Variants in EDIL3 observed in about 807,000 individuals in gnomAD.
EDIL3 encodes the protein EGF like and discoidin domains 3.
A neutral mutation model predicts 67.4 loss-of-function variants in EDIL3; 37 were observed. The observed-to-expected ratio is 0.55, with a 90% CI of 0.42 to 0.72. EDIL3 has a LOEUF of 0.72. Among genes scored for constraint, EDIL3 ranks in the 30% least tolerant of loss-of-function variants. The pLI is 0.00. For missense variants in EDIL3, 527 were observed against 586.3 expected (o/e 0.90, Z 1.04); for synonymous variants, 195 against 196.3 (o/e 0.99, Z 0.05).
intron 1 of EDIL3, among the ~76,000 whole-genome samples, chr5:84,293,666 G>A (rs1177311645): frequency 1.3e-5 from 2 of 151,910 alleles, no homozygotes; most frequent in Non-Finnish European, 2.9e-5. Context: ...AAGCAAGAAA[G>A]TGATTAATAT....
chr5:84,169,215 G>A (rs1402227431), intron 4 of EDIL3, among the ~76,000 whole-genome samples: 3 of 151,844 alleles, frequency 2.0e-5, no homozygotes, highest in Non-Finnish European at 4.4e-5. Flanking sequence ...TGTTATTTCT[G>A]ATTGAAATTT....
chr5:84,021,777 A>G (rs1442313328), intron 9 of EDIL3, among the ~76,000 whole-genome samples: 5 of 152,014 alleles, frequency 3.3e-5, no homozygotes, highest in Non-Finnish European at 7.4e-5. Flanking sequence ...TAACAACTAC[A>G]TGCTAACAAA....
At chr5:83,982,481 G>T (rs1303055430) in intron 9 of EDIL3, among the ~76,000 whole-genome samples, 1 of 151,854 alleles carries the variant, frequency 6.6e-6, no homozygotes, top group Non-Finnish European at 1.5e-5. Context: ...TCCTGTCTTT[G>T]TTGAGAATTT....
chr5:84,166,595 C>T lies in EDIL3; in HGVS notation c.355+13798G>A, dbSNP rs558736727. ...TCAAGTCCTTGCTCTAGAAAAGATG[C>T]TTACTCTCTAAAGAGAAGAAAAATA... On this transcript the variant is annotated intron_variant, in intron 4 of 10. Transcript: ENST00000296591. Among the ~76,000 whole-genome samples, 309 of 152,166 alleles carry T rather than the reference C, an allele frequency of 2.0e-3. 3 individuals are homozygous for T. The highest frequency in any genetic ancestry group is 3.7e-3 in the Non-Finnish European group (252 of 68,000).
At chr5:83,987,869 G>GTGTATATATATATATATATA (rs1418733698) in intron 9 of EDIL3, among the ~76,000 whole-genome samples, 1 of 138,426 alleles carries the variant, frequency 7.2e-6, no homozygotes, top group African/African-American at 2.9e-5. Context: ...GTGTGTGTAT[G>GTGTATATATATATATATATA]TATATATATA....
intron 9 of EDIL3, among the ~76,000 whole-genome samples, chr5:84,020,176 CATATCGAAAACATTTCTTAGATGCTTTAA>C (rs1199415186): frequency 1.3e-5 from 2 of 151,192 alleles, no homozygotes; most frequent in Non-Finnish European, 2.9e-5. Context: ...TACTGGGATA[CATATCGAAAACATTTCTTAGATGCTTTAA>C]ATAAATTCTC....
At chr5:84,038,293 G>A (rs1053783886) in intron 9 of EDIL3, among the ~76,000 whole-genome samples, 3 of 152,044 alleles carry the variant, frequency 2.0e-5, no homozygotes, top group African/African-American at 7.2e-5. Flanking sequence ...CCAAGTAATA[G>A]GGAGCTGGGA....
intron 6 of EDIL3, among the ~76,000 whole-genome samples, chr5:84,089,164 A>C (rs1747122096): frequency 6.6e-6 from 1 of 152,228 alleles, no homozygotes; most frequent in Non-Finnish European, 1.5e-5. Flanking sequence ...CCACTCCACT[A>C]GATGGGGCCA....
chr5:84,139,120 C>T (rs533752944), intron 4 of EDIL3, among the ~76,000 whole-genome samples: 3 of 152,056 alleles, frequency 2.0e-5, no homozygotes, highest in Non-Finnish European at 2.9e-5. Context: ...GCCTATAATC[C>T]CAGCTACTCA....
chr5:83,948,655 TTTAG>T (rs1244780388), intron 10 of EDIL3, among the ~76,000 whole-genome samples: 3 of 151,734 alleles, frequency 2.0e-5, no homozygotes, highest in Admixed American at 2.0e-4. Flanking sequence ...TTTTAAACAT[TTTAG>T]TTAGTGGTAT....
chr5:84,184,061 G>A (rs774581952), intron 3 of EDIL3, among the ~76,000 whole-genome samples: 11 of 152,146 alleles, frequency 7.2e-5, no homozygotes, highest in Non-Finnish European at 1.2e-4. Flanking sequence ...AGCCAAGATC[G>A]TGCCATTGCA....
intron 1 of EDIL3, among the ~76,000 whole-genome samples, chr5:84,279,855 T>C (rs2112105741): frequency 6.6e-6 from 1 of 152,302 alleles, no homozygotes; most frequent in South Asian, 2.1e-4. Flanking sequence ...CCAGGAATTC[T>C]GTACTAAAAT....
intron 4 of EDIL3, among the ~76,000 whole-genome samples, chr5:84,139,717 A>C (rs1748156197): frequency 6.6e-6 from 1 of 152,204 alleles, no homozygotes; most frequent in South Asian, 2.1e-4. Flanking sequence ...ATTCTCATAT[A>C]TACTTAGAGA....
chr5:84,368,101 T>A (rs1160373528), intron 1 of EDIL3, among the ~76,000 whole-genome samples: 1 of 152,172 alleles, frequency 6.6e-6, no homozygotes, highest in African/African-American at 2.4e-5. Flanking sequence ...TATTGAGGGC[T>A]TGAAACTTTC....
chr5:84,116,203 A>AAC (rs1024798821), intron 5 of EDIL3, among the ~76,000 whole-genome samples: 5 of 151,468 alleles, frequency 3.3e-5, no homozygotes, highest in African/African-American at 9.7e-5. Context: ...AAAAAAAAAA[A>AAC]AAAAAACCCC....
chr5:84,266,818 AC>A (rs1316547729), intron 1 of EDIL3, among the ~76,000 whole-genome samples: 2 of 152,016 alleles, frequency 1.3e-5, no homozygotes, highest in Non-Finnish European at 2.9e-5. Context: ...AATTTCATAT[AC>A]CCTTGGATTC....
intron 3 of EDIL3, among the ~76,000 whole-genome samples, chr5:84,209,686 G>A (rs1744073788): frequency 6.6e-6 from 1 of 152,040 alleles, no homozygotes; most frequent in Non-Finnish European, 1.5e-5. Context: ...GAACAGTAAG[G>A]CTATTCTCAA....
At chr5:84,332,929 G>A (rs544292470) in intron 1 of EDIL3, among the ~76,000 whole-genome samples, 3 of 152,180 alleles carry the variant, frequency 2.0e-5, no homozygotes, top group Middle Eastern at 3.4e-3. Flanking sequence ...TTTGACAGGG[G>A]AAAAATTCCA....
chr5:84,184,457 A>G (rs1046924422), intron 3 of EDIL3, among the ~76,000 whole-genome samples: 3 of 152,196 alleles, frequency 2.0e-5, no homozygotes, highest in Non-Finnish European at 4.4e-5. Context: ...CTAGTAAGAA[A>G]TTGTGATGTC....
Sources: gnomAD v4.1 joint callset for allele counts (sites outside exome capture counted in the v4.1 genomes callset) on GRCh38, gnomAD v4.1.1 for gene constraint, MANE v1.5 for transcripts, NCBI Gene and HGNC (gene_info 2026-07-23, HGNC 2026-07-21) for gene names.